The following PTDSS1 variants were observed in gnomAD, a reference collection of about 807,000 sequenced individuals.
The protein encoded by PTDSS1 is PSS-1.
Under a neutral mutation model 70.5 loss-of-function variants are expected in PTDSS1, and 45 were observed. The observed-to-expected ratio is 0.64, with a 90% CI of 0.50 to 0.82. PTDSS1 has a LOEUF of 0.82. PTDSS1 is among the 40% of genes least tolerant of loss of function. PTDSS1 has a pLI of 0.00. For missense variants in PTDSS1, 417 were observed against 586.1 expected (o/e 0.71, Z 2.98); for synonymous variants, 188 against 203.8 (o/e 0.92, Z 0.66).
chr8:96,267,922 CACA>C (rs1313766894), intron 1 of PTDSS1, among the ~76,000 whole-genome samples: 1 of 152,226 alleles, frequency 6.6e-6, no homozygotes, highest in Admixed American at 6.5e-5. Context: ...TGGCATCCTT[CACA>C]ATCCATTTGG....
chr8:96,262,181 C>G lies in PTDSS1; in HGVS notation c.141C>G (p.Ser47Arg). 6.2e-7 allele frequency: 1 copy of G among 1,613,490 alleles called. No homozygotes were observed. Among genetic ancestry groups the G allele is most frequent in the Non-Finnish European group, 8.5e-7 (1 of 1,179,582 alleles). ...GGCCGCATACCATCACCCTGCTCAG[C>G]TTCACCATCGTCAGCCTCATGTACT... The part of the protein sequence containing the change: ...FYRPHTITLL[S>R]FTIVSLMYFA... Residue 47 changes from serine to arginine, a missense_variant, in exon 1 of 13, where the codon AGC (serine) becomes AGG (arginine). This residue lies in a region of PTDSS1 where 272 missense variants were observed against 429.5 expected (regional missense o/e 0.63). Transcript: ENST00000517309. The surrounding 1 kb of genome is among the most constrained non-coding windows in gnomAD (Gnocchi z 4.4).
At chr8:96,307,205 A>T (rs1051222783) in intron 8 of PTDSS1, among the ~76,000 whole-genome samples, 1 of 152,180 alleles carries the variant, frequency 6.6e-6, no homozygotes, top group African/African-American at 2.4e-5. Flanking sequence ...TTTGAGTTTT[A>T]TAACTAATAC....
chr8:96,287,372 A>G, intron 4 of PTDSS1: 1 of 521,204 alleles, frequency 1.9e-6, no homozygotes, highest in South Asian at 3.1e-5. Flanking sequence ...GGAAGAATGC[A>G]CACTTTATCG....
chr8:96,299,090 AC>A (rs2130091460), intron 5 of PTDSS1, among the ~76,000 whole-genome samples: 1 of 151,958 alleles, frequency 6.6e-6, no homozygotes, highest in East Asian at 1.9e-4. Context: ...TGAAATCAAG[AC>A]CCTTGACTTC....
intron 9 of PTDSS1, among the ~76,000 whole-genome samples, chr8:96,310,822 G>A (rs1191620926): frequency 2.0e-5 from 3 of 151,758 alleles, no homozygotes; most frequent in Non-Finnish European, 4.4e-5. Context: ...CTGGAGTACA[G>A]TGGCGTGATC....
At chr8:96,306,692 A>G in intron 8 of PTDSS1, 136 bp downstream of exon 8, 1 of 697,886 alleles carries the variant, frequency 1.4e-6, no homozygotes, top group Non-Finnish European at 2.5e-6. Context: ...CATCCAGAAT[A>G]TGACGAAAAT....
intron 2 of PTDSS1, among the ~76,000 whole-genome samples, chr8:96,274,225 C>T (rs764159081): frequency 1.3e-5 from 2 of 151,864 alleles, no homozygotes; most frequent in African/African-American, 4.8e-5. Flanking sequence ...CGGACGTACT[C>T]GGGTTTTAAA....
intron 10 of PTDSS1, among the ~76,000 whole-genome samples, chr8:96,329,391 C>T (rs1406428072): frequency 2.0e-5 from 3 of 152,238 alleles, no homozygotes; most frequent in Non-Finnish European, 2.9e-5. Flanking sequence ...CTCCCTCCCT[C>T]CTGCCTTTGG....
At chr8:96,322,563 A>G (rs1376777080) in intron 10 of PTDSS1, among the ~76,000 whole-genome samples, 4 of 152,110 alleles carry the variant, frequency 2.6e-5, no homozygotes, top group African/African-American at 9.7e-5. Flanking sequence ...TGCACTCCTC[A>G]TGACCTAATC....
At chr8:96,333,103 C>T (rs1811541045) in intron 12 of PTDSS1, among the ~76,000 whole-genome samples, 1 of 152,110 alleles carries the variant, frequency 6.6e-6, no homozygotes, top group Non-Finnish European at 1.5e-5. Flanking sequence ...GGATGGGCAC[C>T]GCGTGGTGTG....
chr8:96,326,791 G>C (rs1391829454), intron 10 of PTDSS1, among the ~76,000 whole-genome samples: 1 of 152,172 alleles, frequency 6.6e-6, no homozygotes, highest in African/African-American at 2.4e-5. Flanking sequence ...AAGATGGGTT[G>C]GGGGGAAGAA....
chr8:96,313,524 C>T, intron 9 of PTDSS1, among the ~76,000 whole-genome samples: 1 of 152,308 alleles, frequency 6.6e-6, no homozygotes, highest in African/African-American at 2.4e-5. Context: ...AGTATTGGCC[C>T]AGTTTAAATA....
intron 1 of PTDSS1, among the ~76,000 whole-genome samples, chr8:96,272,816 T>C (rs1810585185): frequency 6.6e-6 from 1 of 152,210 alleles, no homozygotes; most frequent in Non-Finnish European, 1.5e-5. Context: ...AATTATGTGA[T>C]GTCAGTCTGA....
At chr8:96,277,103 T>C (rs990163022) in intron 2 of PTDSS1, among the ~76,000 whole-genome samples, 1 of 152,196 alleles carries the variant, frequency 6.6e-6, no homozygotes, top group African/African-American at 2.4e-5. Context: ...TTCAGTGTCC[T>C]GTGCAGGAGG....
At chr8:96,278,405 C>T (rs1308557367) in intron 2 of PTDSS1, among the ~76,000 whole-genome samples, 2 of 152,178 alleles carry the variant, frequency 1.3e-5, no homozygotes, top group African/African-American at 4.8e-5. Context: ...TGACAATCAA[C>T]AGGGTGAGTG....
chr8:96,287,419 T>G (rs1372460406), intron 4 of PTDSS1: 4 of 405,436 alleles, frequency 9.9e-6, no homozygotes, highest in Non-Finnish European at 1.7e-5. Context: ...CCTCTGTTAC[T>G]TGGTAGTTGT....
rs1370906110 is a variant in PTDSS1 at position 96,336,574 on chromosome 8, C to T, written c.*3008C>T. The stretch of plus-strand genomic sequence containing the variant: ...GTGCTCAGTGACTGCTGCAGAGTTC[C>T]TGGGCCACCCTAATGTTTACCAGGT... On this transcript the variant is annotated 3_prime_UTR_variant, in exon 13 of 13. Transcript: ENST00000517309. 3 of 152,048 alleles carry T rather than the reference C, an allele frequency of 2.0e-5. No homozygotes were observed. Among genetic ancestry groups the T allele is most frequent in the African/African-American group, 7.3e-5 (3 of 41,274 alleles). 9.4% of individuals were successfully genotyped at this position (152,048 alleles called of 1,614,324 possible). A position where few individuals can be genotyped will look rare whatever the true frequency, so the allele number is the denominator to read the frequency against.
intron 2 of PTDSS1, 99 bp from the exon 3 acceptor site, chr8:96,284,010 T>A: frequency 1.0e-6 from 1 of 993,282 alleles, no homozygotes; most frequent in Non-Finnish European, 1.5e-6. Flanking sequence ...AGTAGAGAGC[T>A]TTTTCTTCTT....
intron 3 of PTDSS1, among the ~76,000 whole-genome samples, chr8:96,284,646 A>G (rs960594491): frequency 6.6e-6 from 1 of 152,222 alleles, no homozygotes; most frequent in Admixed American, 6.5e-5. Flanking sequence ...GCATATAAAT[A>G]TTGGATGTCT....
Sources: gnomAD v4.1 joint callset for allele counts (sites outside exome capture counted in the v4.1 genomes callset) on GRCh38, gnomAD v4.1.1 for gene constraint, gnomAD v4.1.1 regional missense constraint, Gnocchi (gnomAD v3.1) non-coding constraint, MANE v1.5 for transcripts, NCBI Gene and HGNC (gene_info 2026-07-23, HGNC 2026-07-21) for gene names.